CCDC88B: variants seen among roughly 807,000 people sequenced by gnomAD.
The protein encoded by CCDC88B is coiled-coil and HOOK domain protein 88B.
A neutral mutation model predicts 183.7 loss-of-function variants in CCDC88B; 138 were observed. The observed-to-expected ratio is 0.75, with a 90% CI of 0.65 to 0.87. The LOEUF (loss-of-function observed/expected upper bound fraction) is 0.87. CCDC88B is among the 40% of genes least tolerant of loss of function. The pLI, the probability that CCDC88B is intolerant of heterozygous loss-of-function variation, is 0.00. For synonymous variants in CCDC88B, 835 were observed against 867.5 expected, an observed-to-expected ratio of 0.96 and a Z score of 0.66; for missense variants, 1,822 against 1,965.6, an observed-to-expected ratio of 0.93 and a Z score of 1.38.
chr11:64,355,630 T>C lies in CCDC88B; in HGVS notation c.4375+2T>C. ...ACGAAACAGATGCCAACCGAGAGGG[T>C]GAGTGGGGGACTGTGGAAGGAGTAG... On this transcript the variant is annotated splice_donor_variant, in intron 26 of 26. Transcript: ENST00000356786. LOFTEE classifies it high-confidence loss of function. The C allele has an allele frequency of 6.2e-7, 1 of 1,608,234 alleles. No individual in the cohort carries two copies. The highest frequency in any genetic ancestry group is 8.5e-7 in the Non-Finnish European group (1 of 1,177,770).
chr11:64,351,983 C>T lies in CCDC88B; in HGVS notation c.3100-147C>T, dbSNP rs959164728. The T allele has an allele frequency of 2.2e-5, 26 of 1,192,098 alleles. No individual in the cohort carries two copies. The Admixed American group carries it at 4.8e-4, about 22-fold the overall frequency. 73.8% of individuals were successfully genotyped at this position (1,192,098 alleles called of 1,614,324 possible). A position where few individuals can be genotyped will look rare whatever the true frequency, so the allele number is the denominator to read the frequency against. On this transcript the variant is annotated intron_variant, in intron 18 of 26. Transcript: ENST00000356786. ...CATCAGCCTCTGGCTGGGGCTTGTA[C>T]TGCCTGCTGTGCCCCCAGCCCTTTG...
intron 14 of CCDC88B, among the ~76,000 whole-genome samples, chr11:64,345,609 C>A (rs533525925): frequency 6.6e-6 from 1 of 152,230 alleles, no homozygotes; most frequent in East Asian, 1.9e-4. Flanking sequence ...TGAGCTGATG[C>A]CCAAGTGGAG....
intron 9 of CCDC88B, 58 bp from the exon 10 acceptor site, chr11:64,342,464 G>A (rs1381620333): frequency 1.3e-6 from 2 of 1,538,504 alleles, no homozygotes; most frequent in African/African-American, 2.7e-5. Flanking sequence ...GCTCCTTCCC[G>A]TCCCTAATCC....
rs758489072 is a variant in CCDC88B, at chr11:64,344,973, G to A, written c.2432G>A (p.Arg811Gln). Residue 811 changes from arginine to glutamine, a missense_variant, in exon 14 of 27, where the codon CGG becomes CAG. Physicochemically the swap from Arg to Gln is conservative, Grantham distance 43 (BLOSUM62 1). Coordinates refer to ENST00000356786, the MANE Select transcript of CCDC88B (RefSeq NM_032251.6). The surrounding 1 kb of genome is among the most constrained non-coding windows in gnomAD (Gnocchi z 4.5). ...GAGCTGGAGTCTGCGTCCCAGGAAC[G>A]GGAGGCGCTGGTGGAGGCGCTGGCA... is the stretch of plus-strand genomic sequence containing the variant. The part of the protein sequence containing the change: ...GQELESASQE[R>Q]EALVEALAAA... The A allele has an allele frequency of 4.6e-5, 72 of 1,548,740 alleles. No individual in the cohort carries two copies. Among genetic ancestry groups the A allele is most frequent in the Middle Eastern group, 4.1e-4 (2 of 4,820 alleles).
chr11:64,354,073 G>A lies in CCDC88B; in HGVS notation c.4002G>A (p.Gly1334=), dbSNP rs2036448593. The A allele has an allele frequency of 6.9e-7, 1 of 1,441,864 alleles. No homozygotes were observed. Among genetic ancestry groups the A allele is most frequent in the Non-Finnish European group, 9.2e-7 (1 of 1,092,642 alleles). The allele number at this position is 1,441,864 out of a possible 1,614,324, so 89.3% of individuals were successfully genotyped here. Residue 1334 remains glycine, a synonymous_variant, in exon 24 of 27, where the codon GGG becomes GGA. Transcript: ENST00000356786. The part of the protein sequence containing the change: ...MRPRREGGPP[G]GLRLGADGAG... ...CCCGGCGGGAGGGGGGCCCCCCTGG[G>A]GGGCTGCGCCTGGGGGCCGATGGGG...
Position 64,351,552 on chromosome 11 carries a change from A to G in CCDC88B, c.3035A>G (p.Gln1012Arg). ...QHLEGQLGSL[Q>R]GRAQELLLQS... ...CTGGAGGGGCAGCTGGGGAGCCTGC[A>G]GGGCCGTGCCCAGGAGCTGCTGCTG... Residue 1012 changes from glutamine (Q) to arginine (R), a missense_variant, in exon 18 of 27, where the codon CAG (glutamine) becomes CGG (arginine). Physicochemically the swap from Gln to Arg is conservative, Grantham distance 43. Transcript: ENST00000356786. The G allele has an allele frequency of 6.4e-7, 1 of 1,568,390 alleles. No homozygotes were observed. Among genetic ancestry groups the G allele is most frequent in the Non-Finnish European group, 8.6e-7 (1 of 1,165,314 alleles).
At chr11:64,345,405 G>A (rs2036070735) in intron 14 of CCDC88B, among the ~76,000 whole-genome samples, 1 of 152,178 alleles carries the variant, frequency 6.6e-6, no homozygotes, top group South Asian at 2.1e-4. Flanking sequence ...CTCTCTGGCT[G>A]CAGCAGTAGA....
chr11:64,353,319 C>T (rs755032377), intron 21 of CCDC88B, 32 bp from the exon 22 acceptor site: 17 of 1,608,000 alleles, frequency 1.1e-5, no homozygotes, highest in East Asian at 8.9e-5. Flanking sequence ...GAGCTGGGTC[C>T]CACCCTCCGA....
At chr11:64,348,846 C>A (rs527702960) in intron 14 of CCDC88B, 4 of 604,208 alleles carry the variant, frequency 6.6e-6, no homozygotes, top group Non-Finnish European at 1.2e-5. Context: ...AGCATCCTGG[C>A]GCCCCCTGCC....
intron 6 of CCDC88B, 42 bp from the exon 7 acceptor site, chr11:64,341,557 C>T (rs777354647): frequency 3.7e-6 from 6 of 1,610,086 alleles, no homozygotes; most frequent in Non-Finnish European, 3.4e-6. Context: ...GACGCCCTTG[C>T]CACACCGCGG....
chr11:64,345,257 C>T, intron 14 of CCDC88B, 100 bp downstream of exon 14: 1 of 1,340,700 alleles, frequency 7.5e-7, no homozygotes, highest in South Asian at 1.4e-5. Context: ...GTGCCCAGCA[C>T]TGAGCTGGGG....
At position 64,357,390 on chromosome 11, in the gene CCDC88B, G is replaced by T. The variant is rs760121883; in HGVS notation, c.*296G>T. ...TCTGGGGGATCCCCCAGCTGAAGGAGGCTGGCAGGAGTTGGCAAGAGAACC... is the reference window on the plus strand; with the variant it reads ...TCTGGGGGATCCCCCAGCTGAAGGATGCTGGCAGGAGTTGGCAAGAGAACC... On this transcript the variant is annotated 3_prime_UTR_variant, in exon 27 of 27. Transcript: ENST00000356786. 2.5e-5 allele frequency: 18 copies of T among 717,422 alleles called. No individual in the cohort carries two copies. The highest frequency in any genetic ancestry group is 1.6e-4 in the Admixed American group (8 of 50,008). The allele number at this position is 717,422 out of a possible 1,614,324, so 44.4% of individuals were successfully genotyped here.
At position 64,343,579 on chromosome 11, in the gene CCDC88B, C is replaced by T. The variant is rs1378546594; in HGVS notation, c.1282C>T (p.Arg428Trp). The T allele has an allele frequency of 9.7e-6, 15 of 1,551,640 alleles. No homozygotes were observed. The highest frequency in any genetic ancestry group is 1.1e-5 in the Non-Finnish European group (13 of 1,147,048). ...ENVELELELQ[R>W]SLEPPPGSPG... Reference sequence around the variant, plus strand: ...TGTGGAGCTGGAGCTGGAGCTTCAGCGGAGCTTGGAGCCACCTCCAGGATC... The same window carrying T: ...TGTGGAGCTGGAGCTGGAGCTTCAGTGGAGCTTGGAGCCACCTCCAGGATC... The change falls in exon 12 of 27, where the codon CGG becomes TGG. Residue 428 changes from arginine (R) to tryptophan (W), a missense_variant. By Grantham distance (101) the Arg-to-Trp change is moderately radical. Coordinates refer to ENST00000356786, the MANE Select transcript of CCDC88B (RefSeq NM_032251.6).
intron 14 of CCDC88B, among the ~76,000 whole-genome samples, chr11:64,348,576 C>G (rs1206805153): frequency 6.6e-6 from 1 of 152,202 alleles, no homozygotes; most frequent in Non-Finnish European, 1.5e-5. Flanking sequence ...TGCAGTGCCC[C>G]TTGGGCAAGG....
rs1210193773 is a variant in CCDC88B at position 64,344,057 on chromosome 11, C to T, written c.1516C>T (p.Gln506Ter). Residue 506 changes from glutamine to a stop codon, truncating the protein, a stop_gained, in exon 14 of 27, where the codon CAG (glutamine) becomes TAG (stop). Coordinates refer to ENST00000356786, the MANE Select transcript of CCDC88B (RefSeq NM_032251.6). LOFTEE classifies it high-confidence loss of function. This position sits in a 1 kb window ranked among gnomAD's most constrained non-coding sequence, Gnocchi z 4.5. ...TCTTCCAGTGCTGGAGGAGGCTCCC[C>T]AGACTCCTGTGGCCTTCGACCACAG... Reference protein sequence around the residue: ...PVLPVLEEAPQTPVAFDHSPQ... With the variant: ...PVLPVLEEAP The T allele has an allele frequency of 1.9e-6, 3 of 1,594,066 alleles. No homozygotes were observed. Among genetic ancestry groups the T allele is most frequent in the Non-Finnish European group, 2.6e-6 (3 of 1,169,754 alleles).
At position 64,341,514 on chromosome 11, in the gene CCDC88B, C is replaced by T. The variant is rs767574030; in HGVS notation, c.531+10C>T. On this transcript the variant is annotated intron_variant, in intron 6 of 26. Transcript: ENST00000356786. ...CGCTGCCATCCAGGAGGTACTGAGACGGTTCGGCAGCCCAGACTGGTATGG... is the reference window on the plus strand; with the variant it reads ...CGCTGCCATCCAGGAGGTACTGAGATGGTTCGGCAGCCCAGACTGGTATGG... 3.1e-6 allele frequency: 5 copies of T among 1,613,414 alleles called. No individual in the cohort carries two copies. The African/African-American group carries it at 5.3e-5, about 17-fold the overall frequency.
Position 64,341,018 on chromosome 11 carries a change from G to C in CCDC88B, c.318G>C (p.Gln106His). The change falls in exon 3 of 27, where the codon CAG (glutamine) becomes CAC (histidine). Residue 106 changes from glutamine to histidine, a missense_variant and splice_region_variant. Physicochemically the swap from Gln to His is conservative, Grantham distance 24. Transcript: ENST00000356786. ...HLWGRLRDFY[Q>H]EELQLLILSP... The stretch of plus-strand genomic sequence containing the variant: ...GGGGCCGACTGAGGGACTTCTACCA[G>C]GTAAGGGGTCTCGAGGGAAAGGCGG... 1 of 1,611,906 alleles carries C rather than the reference G, an allele frequency of 6.2e-7. No individual in the cohort carries two copies. The highest frequency in any genetic ancestry group is 8.5e-7 in the Non-Finnish European group (1 of 1,178,700).
In CCDC88B at chr11:64,354,106, C is replaced by T. The variant is rs753830831; in HGVS notation, c.4035C>T (p.Ser1345=). Residue 1345 remains serine, a synonymous_variant, in exon 24 of 27, where the codon AGC becomes AGT. Transcript: ENST00000356786. ...GLRLGADGAG[S]TESLGGPPET... ...GCCTGGGGGCCGATGGGGCTGGCAGCACCGAGAGCCTGGGGGGCCCCCCGG... is the reference window on the plus strand; with the variant it reads ...GCCTGGGGGCCGATGGGGCTGGCAGTACCGAGAGCCTGGGGGGCCCCCCGG... 6.5e-6 allele frequency: 9 copies of T among 1,389,026 alleles called. No individual in the cohort carries two copies. The highest frequency in any genetic ancestry group is 7.5e-6 in the Non-Finnish European group (8 of 1,064,994). 86.0% of individuals were successfully genotyped at this position (1,389,026 alleles called of 1,614,324 possible).
Position 64,343,251 on chromosome 11 carries a change from G to T in CCDC88B, c.1135G>T (p.Glu379Ter). Residue 379 changes from glutamate (E) to a stop codon, truncating the protein, a stop_gained, in exon 11 of 27, where the codon GAG becomes TAG. Coordinates refer to ENST00000356786, the MANE Select transcript of CCDC88B (RefSeq NM_032251.6). LOFTEE classifies it high-confidence loss of function. ...LLEEQLEAAR[E>*]RCARLHETQR... ...GGAAGAGCAGCTGGAGGCTGCCCGA[G>T]AGCGCTGCGCCCGGCTGCACGAGAC... 6.5e-7 allele frequency: 1 copy of T among 1,548,424 alleles called. No individual in the cohort carries two copies.
Sources: allele counts gnomAD v4.1 joint callset (sites outside exome capture counted in the v4.1 genomes callset), GRCh38; gene constraint gnomAD v4.1.1; non-coding constraint Gnocchi (gnomAD v3.1); transcripts MANE v1.5; gene names NCBI Gene and HGNC (gene_info 2026-07-23, HGNC 2026-07-21).